Variants in DAAM1 observed in about 807,000 individuals in gnomAD.
The protein encoded by DAAM1 is disheveled-associated activator of morphogenesis 1.
In DAAM1, 52 loss-of-function variants were observed where a neutral mutation model predicts 130.0. The observed-to-expected ratio is 0.40, with a 90% CI of 0.32 to 0.50. The LOEUF (loss-of-function observed/expected upper bound fraction) is 0.50. DAAM1 is among the 20% of genes least tolerant of loss of function. DAAM1 has a pLI of 0.61. For missense variants in DAAM1, 1,134 were observed against 1,303.8 expected, an observed-to-expected ratio of 0.87 and a Z score of 2.01; for synonymous variants, 452 against 444.5, an observed-to-expected ratio of 1.02 and a Z score of -0.21.
chr14:59,221,348 G>A (rs182689641), intron 1 of DAAM1, among the ~76,000 whole-genome samples: 3 of 152,156 alleles, frequency 2.0e-5, no homozygotes, highest in African/African-American at 4.8e-5. Context: ...ACACACAAAC[G>A]TATTCATAAC....
chr14:59,237,554 C>G (rs1351365948), intron 1 of DAAM1, among the ~76,000 whole-genome samples: 1 of 152,174 alleles, frequency 6.6e-6, no homozygotes, highest in East Asian at 1.9e-4. Flanking sequence ...TTGTCATATA[C>G]TTTTTCTAAT....
intron 1 of DAAM1, among the ~76,000 whole-genome samples, chr14:59,231,439 C>T (rs758380509): frequency 3.0e-4 from 46 of 152,168 alleles, no homozygotes; most frequent in Admixed American, 9.2e-4. Context: ...CCATGGCAAA[C>T]TCAGCATCAG....
intron 1 of DAAM1, among the ~76,000 whole-genome samples, chr14:59,203,603 A>G (rs1416311787): frequency 6.6e-6 from 1 of 152,196 alleles, no homozygotes; most frequent in African/African-American, 2.4e-5. Flanking sequence ...CTTAATATTT[A>G]TGGACCACTT....
At chr14:59,257,319 T>C (rs1230707180) in intron 1 of DAAM1, among the ~76,000 whole-genome samples, 1 of 151,958 alleles carries the variant, frequency 6.6e-6, no homozygotes, top group African/African-American at 2.4e-5. Flanking sequence ...GTGCCAGGGA[T>C]TGACTAAAAC....
chr14:59,344,094 A>C (rs554513756), intron 16 of DAAM1, among the ~76,000 whole-genome samples: 16 of 152,308 alleles, frequency 1.1e-4, no homozygotes, highest in African/African-American at 3.6e-4. Flanking sequence ...GCAGGTTTAT[A>C]TTGCAAAATG....
chr14:59,339,966 A>T (rs1012454201), intron 15 of DAAM1, 108 bp from the exon 16 acceptor site: 1 of 874,554 alleles, frequency 1.1e-6, no homozygotes, highest in East Asian at 2.6e-5. Flanking sequence ...GCCCATGTGT[A>T]TACGAGTGTG....
At chr14:59,197,020 C>A (rs1402691824) in intron 1 of DAAM1, among the ~76,000 whole-genome samples, 1 of 152,012 alleles carries the variant, frequency 6.6e-6, no homozygotes, top group Non-Finnish European at 1.5e-5. Context: ...TTCCAGGTTC[C>A]CGCCATTCTC....
chr14:59,276,775 CAAAACAAAAG>C (rs1301797459), intron 2 of DAAM1, among the ~76,000 whole-genome samples: 1 of 152,084 alleles, frequency 6.6e-6, no homozygotes, highest in Admixed American at 6.6e-5. Context: ...CATTAAAAAG[CAAAACAAAAG>C]AAAACAAAAA....
At chr14:59,329,321 A>G (rs1029791260) in intron 12 of DAAM1, among the ~76,000 whole-genome samples, 2 of 152,150 alleles carry the variant, frequency 1.3e-5, no homozygotes, top group Non-Finnish European at 2.9e-5. Context: ...ATGGAGATAA[A>G]AGAAGGAAAA....
intron 15 of DAAM1, 41 bp from the exon 16 acceptor site, chr14:59,340,033 C>T: frequency 6.4e-7 from 1 of 1,565,726 alleles, no homozygotes; most frequent in Non-Finnish European, 8.8e-7. Flanking sequence ...GTCTGAATGT[C>T]CCTGTTGGAC....
At chr14:59,270,806 C>T (rs1308504717) in intron 2 of DAAM1, among the ~76,000 whole-genome samples, 2 of 152,196 alleles carry the variant, frequency 1.3e-5, no homozygotes, top group African/African-American at 4.8e-5. Context: ...GTCTTTCTCA[C>T]AGTTTCTGTT....
At chr14:59,190,816 G>A (rs1313914614) in intron 1 of DAAM1, among the ~76,000 whole-genome samples, 1 of 152,108 alleles carries the variant, frequency 6.6e-6, no homozygotes, top group Non-Finnish European at 1.5e-5. Context: ...TTTCGTCCCC[G>A]ACCCCAAAGT....
chr14:59,202,889 T>A (rs1218239591), intron 1 of DAAM1, among the ~76,000 whole-genome samples: 1 of 152,212 alleles, frequency 6.6e-6, no homozygotes, highest in African/African-American at 2.4e-5. Flanking sequence ...TTCCTAAATG[T>A]TGATTTTGAG....
chr14:59,287,700 C>A (rs1883523782), intron 2 of DAAM1, among the ~76,000 whole-genome samples: 1 of 152,020 alleles, frequency 6.6e-6, no homozygotes. Context: ...GAATAAAATA[C>A]CTAGGAATAT....
At chr14:59,192,985 G>A (rs1030334366) in intron 1 of DAAM1, among the ~76,000 whole-genome samples, 2 of 152,218 alleles carry the variant, frequency 1.3e-5, no homozygotes, top group African/African-American at 4.8e-5. Flanking sequence ...CCAGGGAGGC[G>A]GAGCTTGCAG....
chr14:59,315,373 T>G, intron 4 of DAAM1, 22 bp downstream of exon 4: 1 of 1,609,334 alleles, frequency 6.2e-7, no homozygotes, highest in Non-Finnish European at 8.5e-7. Context: ...TTTATGTTCT[T>G]TGACACACTG....
intron 1 of DAAM1, among the ~76,000 whole-genome samples, chr14:59,247,666 T>C (rs915519473): frequency 1.3e-5 from 2 of 152,086 alleles, no homozygotes; most frequent in African/African-American, 4.8e-5. Context: ...CACTCTAAAC[T>C]TTCAGCGACA....
intron 2 of DAAM1, among the ~76,000 whole-genome samples, chr14:59,279,944 A>G (rs1237309968): frequency 6.6e-6 from 1 of 152,218 alleles, no homozygotes; most frequent in African/African-American, 2.4e-5. Flanking sequence ...AACATTTCAC[A>G]AAAGAACATG....
intron 2 of DAAM1, among the ~76,000 whole-genome samples, chr14:59,274,608 G>A (rs1391870758): frequency 1.3e-5 from 2 of 152,154 alleles, no homozygotes; most frequent in African/African-American, 4.8e-5. Context: ...TGAGTGAATG[G>A]ATGTATAACT....
Sources: allele counts gnomAD v4.1 joint callset (sites outside exome capture counted in the v4.1 genomes callset), GRCh38; gene constraint gnomAD v4.1.1; transcripts MANE v1.5; gene names NCBI Gene and HGNC (gene_info 2026-07-23, HGNC 2026-07-21).